The following ANK2 variants were observed in gnomAD, a reference collection of about 807,000 sequenced individuals.
The protein encoded by ANK2 is ankyrin 2, also known as ankyrin-2.
ANK2 carries 83 observed loss-of-function variants against 360.5 expected under a neutral mutation model. That is an observed-to-expected ratio of 0.23 (90% CI 0.19 to 0.28). The LOEUF is 0.28. ANK2 is among the 10% of genes least tolerant of loss of function. ANK2 has a pLI of 1.00. For synonymous variants in ANK2, 1,740 were observed against 1,759.5 expected (o/e 0.99, Z 0.28); for missense variants, 4,201 against 4,795.7 (o/e 0.88, Z 3.66).
chr4:113,361,295 G>A (rs2096206731), intron 39 of ANK2, among the ~76,000 whole-genome samples: 1 of 152,028 alleles, frequency 6.6e-6, no homozygotes, highest in Admixed American at 6.6e-5. Context: ...AATCTTCATA[G>A]TAAACAACAC....
intron 9 of ANK2, among the ~76,000 whole-genome samples, chr4:113,248,946 C>T (rs1171325501): frequency 6.6e-6 from 1 of 152,172 alleles, no homozygotes; most frequent in African/African-American, 2.4e-5. Context: ...CCTCACATTT[C>T]CCACCCACTC....
chr4:113,152,220 A>G (rs560816783), intron 1 of ANK2: 1 of 152,164 alleles, frequency 6.6e-6, no homozygotes, highest in South Asian at 2.1e-4. Flanking sequence ...TTTGAATAAT[A>G]TCTCTTCTGC....
At chr4:113,245,528 A>G (rs1417355171) in intron 9 of ANK2, among the ~76,000 whole-genome samples, 1 of 152,128 alleles carries the variant, frequency 6.6e-6, no homozygotes, top group East Asian at 1.9e-4. Flanking sequence ...GTGGCAGGAG[A>G]GAGAAATAAG....
intron 7 of ANK2, among the ~76,000 whole-genome samples, chr4:113,238,182 G>A (rs2099398648): frequency 2.0e-5 from 3 of 152,130 alleles, no homozygotes; most frequent in Non-Finnish European, 4.4e-5. Context: ...TCCAAAGTAA[G>A]TCACATCAAT....
At chr4:113,111,836 G>T (rs1425496100) in intron 1 of ANK2, among the ~76,000 whole-genome samples, 2 of 152,184 alleles carry the variant, frequency 1.3e-5, no homozygotes, top group Non-Finnish European at 2.9e-5. Flanking sequence ...CTATCAAGAT[G>T]TGAATATTAG....
chr4:112,999,685 C>T (rs774496495), intron 2 of ANK2, among the ~76,000 whole-genome samples: 2 of 151,778 alleles, frequency 1.3e-5, no homozygotes, highest in Non-Finnish European at 2.9e-5. Context: ...ACAAAAAAAC[C>T]CAAAGAGGCC....
At chr4:112,911,712 A>T (rs941776325) in intron 2 of ANK2, among the ~76,000 whole-genome samples, 2 of 152,110 alleles carry the variant, frequency 1.3e-5, no homozygotes, top group Non-Finnish European at 2.9e-5. Context: ...AAGTTGCTCT[A>T]TATATTTTGT....
At chr4:112,921,294 G>A (rs1324359398) in intron 2 of ANK2, among the ~76,000 whole-genome samples, 1 of 151,370 alleles carries the variant, frequency 6.6e-6, no homozygotes, top group African/African-American at 2.4e-5. Context: ...CAAAGTGCTG[G>A]GATTACAGGC....
intron 2 of ANK2, among the ~76,000 whole-genome samples, chr4:112,923,942 G>A (rs2092075827): frequency 6.6e-6 from 1 of 152,078 alleles, no homozygotes; most frequent in Non-Finnish European, 1.5e-5. Flanking sequence ...TAATGACTTG[G>A]AAGATAATTC....
At chr4:112,890,556 GTTTTTTTTT>G (rs754680934) in intron 1 of ANK2, among the ~76,000 whole-genome samples, 7 of 67,468 alleles carry the variant, frequency 1.0e-4, no homozygotes, top group South Asian at 5.2e-4. Flanking sequence ...CATTTCTGTG[GTTTTTTTTT>G]TTTTTTTTTT....
intron 1 of ANK2, among the ~76,000 whole-genome samples, chr4:113,062,489 A>G (rs2073960524): frequency 6.6e-6 from 1 of 152,036 alleles, no homozygotes; most frequent in Non-Finnish European, 1.5e-5. Flanking sequence ...ATATTTCTGT[A>G]TGACTACATA....
chr4:112,979,574 G>C (rs932016631), intron 2 of ANK2: 3 of 152,236 alleles, frequency 2.0e-5, no homozygotes, highest in Non-Finnish European at 4.4e-5. Flanking sequence ...CCAAATTCTT[G>C]GTGGGTTCCA....
intron 10 of ANK2, among the ~76,000 whole-genome samples, chr4:113,251,916 G>C (rs1330557700): frequency 6.6e-6 from 1 of 152,106 alleles, no homozygotes; most frequent in Non-Finnish European, 1.5e-5. Context: ...TTAGAGTGAG[G>C]GGATACCGCT....
At chr4:113,238,755 T>C (rs1371802417) in intron 7 of ANK2, among the ~76,000 whole-genome samples, 2 of 152,184 alleles carry the variant, frequency 1.3e-5, no homozygotes, top group African/African-American at 2.4e-5. Flanking sequence ...CTTCGTCTAA[T>C]CCTGTAGAAA....
intron 43 of ANK2, 62 bp from the exon 44 acceptor site, chr4:113,373,028 G>A (rs907247556): frequency 2.1e-5 from 28 of 1,304,802 alleles, no homozygotes; most frequent in Middle Eastern, 1.8e-4. Flanking sequence ...ATAAGCACTT[G>A]GGAGTAGTTC....
intron 1 of ANK2, among the ~76,000 whole-genome samples, chr4:113,107,922 T>C (rs1376995540): frequency 6.6e-6 from 1 of 152,158 alleles, no homozygotes; most frequent in African/African-American, 2.4e-5. Context: ...AAAGAAGCTT[T>C]ATTTCATAGC....
intron 7 of ANK2, among the ~76,000 whole-genome samples, chr4:113,239,255 A>G (rs796169159): frequency 1.3e-5 from 2 of 152,256 alleles, no homozygotes; most frequent in African/African-American, 4.8e-5. Flanking sequence ...TCTCTAAGTA[A>G]GAAATTATTT....
At chr4:112,847,875 G>A (rs1156373156) in intron 1 of ANK2, among the ~76,000 whole-genome samples, 2 of 152,144 alleles carry the variant, frequency 1.3e-5, no homozygotes, top group Non-Finnish European at 2.9e-5. Flanking sequence ...AAACTTACCT[G>A]TAGCCAGAAT....
chr4:112,875,562 C>T (rs974673745), intron 1 of ANK2, among the ~76,000 whole-genome samples: 1 of 151,980 alleles, frequency 6.6e-6, no homozygotes, highest in Admixed American at 6.6e-5. Flanking sequence ...TCTTGAACTC[C>T]TACCCTCAAG....
Sources: gnomAD v4.1 joint callset for allele counts (sites outside exome capture counted in the v4.1 genomes callset) on GRCh38, gnomAD v4.1.1 for gene constraint, MANE v1.5 for transcripts, NCBI Gene and HGNC (gene_info 2026-07-23, HGNC 2026-07-21) for gene names.